ANKRD22: variants seen among roughly 807,000 people sequenced by gnomAD.
ANKRD22 encodes the protein ankyrin repeat domain-containing protein 22.
In ANKRD22, 24 loss-of-function variants were observed where a neutral mutation model predicts 25.7. That is an observed-to-expected ratio of 0.93 (90% CI 0.68 to 1.31). The LOEUF (loss-of-function observed/expected upper bound fraction) is 1.31. Ranked by LOEUF, ANKRD22 falls within the 50% of genes most tolerant of loss-of-function variation. The pLI, the probability that ANKRD22 is intolerant of heterozygous loss-of-function variation, is 0.00. For synonymous variants in ANKRD22, 84 were observed against 84.3 expected, an observed-to-expected ratio of 1.00 and a Z score of 0.02; for missense variants, 214 against 227.1, an observed-to-expected ratio of 0.94 and a Z score of 0.37.
chr10:88,835,024 A>C (rs1305998029), intron 1 of ANKRD22, among the ~76,000 whole-genome samples: 1 of 151,966 alleles, frequency 6.6e-6, no homozygotes, highest in African/African-American at 2.4e-5. Flanking sequence ...GCTTAGTGGC[A>C]GTGACTCCAA....
intron 1 of ANKRD22, among the ~76,000 whole-genome samples, chr10:88,844,740 TA>T (rs985136246): frequency 4.1e-4 from 62 of 151,952 alleles, no homozygotes; most frequent in African/African-American, 1.2e-3. Context: ...CTTAGTTGAT[TA>T]AAAAAAAGCC....
At chr10:88,836,235 A>G (rs1843953183) in intron 1 of ANKRD22, among the ~76,000 whole-genome samples, 1 of 152,176 alleles carries the variant, frequency 6.6e-6, no homozygotes, top group Non-Finnish European at 1.5e-5. Context: ...CCCCAGCTAG[A>G]CTGTAAGCTA....
intron 1 of ANKRD22, among the ~76,000 whole-genome samples, chr10:88,837,237 TG>T (rs1843962532): frequency 6.6e-6 from 1 of 152,242 alleles, no homozygotes; most frequent in Non-Finnish European, 1.5e-5. Flanking sequence ...AGTTTCCTTC[TG>T]CTTTTGATAA....
At chr10:88,850,780 A>G (rs2133085288) in intron 1 of ANKRD22, among the ~76,000 whole-genome samples, 1 of 152,252 alleles carries the variant, frequency 6.6e-6, no homozygotes, top group African/African-American at 2.4e-5. Flanking sequence ...AGATATATAC[A>G]CACATGGCAT....
chr10:88,848,608 G>A (rs933062711), intron 1 of ANKRD22, among the ~76,000 whole-genome samples: 5 of 152,134 alleles, frequency 3.3e-5, no homozygotes, highest in Non-Finnish European at 7.4e-5. Context: ...TCATATCACA[G>A]AATGACACGA....
chr10:88,834,217 G>A (rs1843931737), intron 1 of ANKRD22, among the ~76,000 whole-genome samples: 1 of 152,152 alleles, frequency 6.6e-6, no homozygotes, highest in Non-Finnish European at 1.5e-5. Context: ...ACAAGACAGT[G>A]TTAAGTCACC....
intron 1 of ANKRD22, among the ~76,000 whole-genome samples, chr10:88,837,077 C>A (rs1004682341): frequency 2.0e-5 from 3 of 152,116 alleles, no homozygotes; most frequent in African/African-American, 2.4e-5. Flanking sequence ...GTAGCAGTGT[C>A]CAGCCAACGT....
At chr10:88,845,343 T>G (rs1480103270) in intron 1 of ANKRD22, among the ~76,000 whole-genome samples, 1 of 152,086 alleles carries the variant, frequency 6.6e-6, no homozygotes, top group Admixed American at 6.6e-5. Context: ...ATCTCTACAT[T>G]CTTTCCATGT....
chr10:88,823,393 G>C lies in ANKRD22; in HGVS notation c.400-15C>G. ...GTACAGCCATACTGAAACACAAAGG[G>C]CCAAAACTTCAGCTCATAAGTCGGG... On this transcript the variant is annotated splice_polypyrimidine_tract_variant and intron_variant, in intron 4 of 5. Coordinates refer to ENST00000371930, the MANE Select transcript of ANKRD22 (RefSeq NM_144590.3). The C allele has an allele frequency of 6.2e-7, 1 of 1,601,422 alleles. No individual in the cohort carries two copies. Among genetic ancestry groups the C allele is most frequent in the African/African-American group, 1.3e-5 (1 of 74,682 alleles).
rs59890033 is a variant in ANKRD22 at position 88,822,566 on chromosome 10, T to TTTTTTA, written c.*374_*375insTAAAAA. The TTTTTTA allele has an allele frequency of 7.2e-6, 1 of 138,176 alleles. No individual in the cohort carries two copies. The highest frequency in any genetic ancestry group is 1.5e-5 in the Non-Finnish European group (1 of 65,446). 8.6% of individuals were successfully genotyped at this position (138,176 alleles called of 1,614,324 possible). A position where few individuals can be genotyped will look rare whatever the true frequency, so the allele number is the denominator to read the frequency against. ...GGGCTTTTTTTTTTTTTTTTTTTTT[T>TTTTTTA]GAGACAGGGTCTCGCTGTGTTGCCC... is the stretch of plus-strand genomic sequence containing the variant. On this transcript the variant is annotated 3_prime_UTR_variant, in exon 6 of 6. Transcript: ENST00000371930.
chr10:88,846,846 T>C (rs1383979876), intron 1 of ANKRD22, among the ~76,000 whole-genome samples: 1 of 152,168 alleles, frequency 6.6e-6, no homozygotes, highest in Non-Finnish European at 1.5e-5. Flanking sequence ...ATCAGCACTA[T>C]AGACTTGATC....
intron 1 of ANKRD22, among the ~76,000 whole-genome samples, chr10:88,848,623 A>G (rs1042140096): frequency 1.3e-5 from 2 of 152,180 alleles, no homozygotes; most frequent in Non-Finnish European, 2.9e-5. Flanking sequence ...ACACGATGTT[A>G]AATGTGAAAC....
chr10:88,825,561 A>G (rs548641494), intron 4 of ANKRD22, among the ~76,000 whole-genome samples: 1 of 152,374 alleles, frequency 6.6e-6, no homozygotes, highest in South Asian at 2.1e-4. Flanking sequence ...AGCACTTACT[A>G]CATTCTGAGC....
At chr10:88,825,516 A>G (rs1843847490) in intron 4 of ANKRD22, among the ~76,000 whole-genome samples, 1 of 152,102 alleles carries the variant, frequency 6.6e-6, no homozygotes, top group African/African-American at 2.4e-5. Context: ...GTGGGTTGGG[A>G]TTTTGGCTGC....
intron 1 of ANKRD22, among the ~76,000 whole-genome samples, chr10:88,850,709 C>G (rs532899507): frequency 2.4e-4 from 37 of 152,228 alleles, no homozygotes; most frequent in African/African-American, 8.9e-4. Flanking sequence ...AGGCTAAAAT[C>G]ACTGAGCAAG....
At chr10:88,825,011 T>TCTCTCTCA (rs1420247268) in intron 4 of ANKRD22, among the ~76,000 whole-genome samples, 5 of 111,420 alleles carry the variant, frequency 4.5e-5, no homozygotes, top group Non-Finnish European at 1.0e-4. Context: ...TCTCTCTCTC[T>TCTCTCTCA]CACACACACA....
chr10:88,836,957 G>T (rs560407431), intron 1 of ANKRD22, among the ~76,000 whole-genome samples: 15 of 152,320 alleles, frequency 9.8e-5, no homozygotes, highest in Admixed American at 2.6e-4. Context: ...AGAATACAGA[G>T]GCCTGAGCAC....
intron 1 of ANKRD22, among the ~76,000 whole-genome samples, chr10:88,832,764 C>G (rs1843919353): frequency 1.3e-5 from 2 of 152,100 alleles, no homozygotes. Context: ...TCACAAGGCA[C>G]CATGGGAGTT....
chr10:88,824,985 GCTCTCT>G lies in ANKRD22; in HGVS notation c.399+1047_399+1052del, dbSNP rs142353847. 3.2e-3 allele frequency among the ~76,000 whole-genome samples: 455 copies of G among 141,370 alleles called. 4 individuals are homozygous for G. Among genetic ancestry groups the G allele is most frequent in the African/African-American group, 9.4e-3 (353 of 37,686 alleles). The allele number at this position is 141,370 out of a possible 152,430, so 92.7% of individuals were successfully genotyped here. A position where few individuals can be genotyped will look rare whatever the true frequency, so the allele number is the denominator to read the frequency against. ...AAATTTCATAAAGTTATTTTCTTTTGCTCTCTCTCTCTCTCTCTCTCTCTCTCACAC... is the reference window on the plus strand; with the variant it reads ...AAATTTCATAAAGTTATTTTCTTTTGCTCTCTCTCTCTCTCTCTCTCACAC... On this transcript the variant is annotated intron_variant, in intron 4 of 5. Coordinates refer to ENST00000371930, the MANE Select transcript of ANKRD22 (RefSeq NM_144590.3).
Sources: allele counts gnomAD v4.1 joint callset (sites outside exome capture counted in the v4.1 genomes callset), GRCh38; gene constraint gnomAD v4.1.1; transcripts MANE v1.5; gene names NCBI Gene and HGNC (gene_info 2026-07-23, HGNC 2026-07-21).